Variants in CARHSP1 observed in about 807,000 individuals in gnomAD.
The protein encoded by CARHSP1 is calcium regulated heat stable protein 1, also known as calcium-regulated heat-stable protein 1.
A neutral mutation model predicts 12.5 loss-of-function variants in CARHSP1; 14 were observed. The ratio of observed to expected loss-of-function variants is 1.12; its 90% CI spans 0.74 to 1.75. The LOEUF (loss-of-function observed/expected upper bound fraction) is 1.75, where lower values mean the gene tolerates loss of function less well. Among genes scored for constraint, CARHSP1 ranks in the 40% most tolerant of loss-of-function variants. The pLI, the probability that CARHSP1 is intolerant of heterozygous loss-of-function variation, is 0.00. For missense variants in CARHSP1, 343 were observed against 201.6 expected (o/e 1.70, Z -4.25); for synonymous variants, 161 against 82.0 (o/e 1.96, Z -5.20).
chr16:8,854,859 A>G lies in CARHSP1; in HGVS notation c.*305T>C. ...AGCAGCTGGAGAAATACCACCCTTGATCCACTCCCTGGGATGGGGTTGGAA... is the reference window on the plus strand; with the variant it reads ...AGCAGCTGGAGAAATACCACCCTTGGTCCACTCCCTGGGATGGGGTTGGAA... On this transcript the variant is annotated 3_prime_UTR_variant, in exon 4 of 4. Transcript: ENST00000311052. The G allele has an allele frequency of 4.2e-6, 1 of 239,658 alleles. No individual in the cohort carries two copies. Among genetic ancestry groups the G allele is most frequent in the East Asian group, 7.7e-5 (1 of 13,028 alleles). The allele number at this position is 239,658 out of a possible 1,614,324, so 14.8% of individuals were successfully genotyped here. A position where few individuals can be genotyped will look rare whatever the true frequency, so the allele number is the denominator to read the frequency against.
At position 8,859,301 on chromosome 16, in the gene CARHSP1, G is replaced by A. The variant is rs1445556607; in HGVS notation, c.28C>T (p.Gln10Ter). ...ACTGAAGCTTGATGGGTGGGGGGCT[G>A]TGGTGGTGGGGGAGGCTCAGATGAC... MSSEPPPPP[Q>*]PPTHQASVGL... is the part of the protein sequence containing the mutation. The change falls in exon 2 of 4, where the codon CAG becomes TAG. Residue 10 changes from glutamine to a stop codon, truncating the protein, a stop_gained. Coordinates refer to ENST00000311052, the MANE Select transcript of CARHSP1 (RefSeq NM_014316.4). LOFTEE classifies it high-confidence loss of function. The A allele has an allele frequency of 6.2e-7, 1 of 1,602,474 alleles. No individual in the cohort carries two copies. The highest frequency in any genetic ancestry group is 8.5e-7 in the Non-Finnish European group (1 of 1,178,004).
intron 1 of CARHSP1, among the ~76,000 whole-genome samples, chr16:8,862,942 C>G (rs2061392095): frequency 6.6e-6 from 1 of 152,036 alleles, no homozygotes; most frequent in Non-Finnish European, 1.5e-5. Flanking sequence ...CCCAAGCCCC[C>G]TCAACACCCC....
chr16:8,859,449 C>T (rs2061272404), intron 1 of CARHSP1, 114 bp from the exon 2 acceptor site: 1 of 933,824 alleles, frequency 1.1e-6, no homozygotes, highest in Non-Finnish European at 1.6e-6. Context: ...TCTCGGGCAC[C>T]TCAGCACCAT....
intron 2 of CARHSP1, 147 bp from the exon 3 acceptor site, chr16:8,858,619 C>T (rs2061234312): frequency 1.0e-5 from 10 of 980,650 alleles, no homozygotes; most frequent in Non-Finnish European, 1.5e-5. Context: ...GCACAACCCT[C>T]AACCCTGGGA....
chr16:8,858,789 C>G, intron 2 of CARHSP1: 2 of 434,670 alleles, frequency 4.6e-6, no homozygotes, highest in Non-Finnish European at 8.2e-6. Flanking sequence ...GCATCCTCCA[C>G]TCGCAAGGCC....
At chr16:8,861,049 CAAAA>C (rs543777644) in intron 1 of CARHSP1, among the ~76,000 whole-genome samples, 2 of 75,248 alleles carry the variant, frequency 2.7e-5, no homozygotes, top group East Asian at 1.0e-3. Context: ...GACTCCGTCT[CAAAA>C]AAAAATAAAT....
rs1567181170 is a variant in CARHSP1 at position 8,857,274 on chromosome 16, T to TTG, written c.281+1075_281+1076insCA. Reference sequence around the variant, plus strand: ...TCTTGGGCAGATCTGTTTTTTTTTTTTTTTTTTTTTTTTTTTTTTTTTTTT... The same window carrying TTG: ...TCTTGGGCAGATCTGTTTTTTTTTTTTGTTTTTTTTTTTTTTTTTTTTTTTTT... On this transcript the variant is annotated intron_variant, in intron 3 of 3. Transcript: ENST00000311052. Among the ~76,000 whole-genome samples, 76 of 97,482 alleles carry TTG rather than the reference T, an allele frequency of 7.8e-4. 2 individuals are homozygous for TTG. The highest frequency in any genetic ancestry group is 3.1e-3 in the South Asian group (8 of 2,602). The allele number at this position is 97,482 out of a possible 152,430, so 64.0% of individuals were successfully genotyped here.
At chr16:8,862,824 C>T (rs899897047) in intron 1 of CARHSP1, among the ~76,000 whole-genome samples, 1 of 152,150 alleles carries the variant, frequency 6.6e-6, no homozygotes, top group Non-Finnish European at 1.5e-5. Flanking sequence ...TCATCATCAT[C>T]ACTGTCATTG....
intron 1 of CARHSP1, among the ~76,000 whole-genome samples, chr16:8,864,715 G>T (rs1033025497): frequency 1.3e-5 from 2 of 152,170 alleles, no homozygotes; most frequent in Non-Finnish European, 2.9e-5. Flanking sequence ...GCCCGGCCAA[G>T]GGAGGGAGCC....
At chr16:8,859,402 G>T in intron 1 of CARHSP1, 67 bp from the exon 2 acceptor site, 14 of 1,391,468 alleles carry the variant, frequency 1.0e-5, no homozygotes, top group Non-Finnish European at 1.4e-5. Flanking sequence ...TTACCCCCAT[G>T]TCCACGTCTG....
At chr16:8,860,037 C>G in intron 1 of CARHSP1, 1 of 584,456 alleles carries the variant, frequency 1.7e-6, no homozygotes, top group Non-Finnish European at 2.2e-6. Flanking sequence ...CAAACTCAGC[C>G]ACTCCACGGA....
intron 1 of CARHSP1, among the ~76,000 whole-genome samples, chr16:8,865,591 G>C (rs2061441473): frequency 1.3e-5 from 2 of 152,202 alleles, no homozygotes; most frequent in African/African-American, 4.8e-5. Flanking sequence ...GGCCAGGGTT[G>C]GGCATGGTGT....
At chr16:8,864,263 CTTG>C (rs2061419839) in intron 1 of CARHSP1, among the ~76,000 whole-genome samples, 1 of 152,194 alleles carries the variant, frequency 6.6e-6, no homozygotes, top group African/African-American at 2.4e-5. Flanking sequence ...CATGCGTGAA[CTTG>C]TTGCCGTCTG....
intron 1 of CARHSP1, among the ~76,000 whole-genome samples, chr16:8,863,240 G>C (rs1011614267): frequency 5.5e-5 from 8 of 145,710 alleles, no homozygotes; most frequent in African/African-American, 2.0e-4. Flanking sequence ...GCCCACCCCA[G>C]CCTCCTGGGT....
chr16:8,861,057 A>C (rs988354833), intron 1 of CARHSP1, among the ~76,000 whole-genome samples: 24 of 19,986 alleles, frequency 1.2e-3, no homozygotes, highest in African/African-American at 2.5e-3. Flanking sequence ...CTCAAAAAAA[A>C]ATAAATAACT....
rs2061224991 is a variant in CARHSP1, at chr16:8,858,438, C to T, written c.193G>A (p.Gly65Arg). 3 of 1,613,918 alleles carry T rather than the reference C, an allele frequency of 1.9e-6. No homozygotes were observed. The highest frequency in any genetic ancestry group is 2.7e-5 in the African/African-American group (2 of 74,902). ...GACCGGCAGAAGCATTTGCAGACTC[C>T]TTTGTAGACGGGGCCCTGTGAAGCC... Reference protein sequence around the residue: ...VRASQGPVYKGVCKCFCRSKG... With the variant: ...VRASQGPVYKRVCKCFCRSKG... The change falls in exon 3 of 4, where the codon GGA becomes AGA. Residue 65 changes from glycine to arginine, a missense_variant. By Grantham distance (125) the Gly-to-Arg change is moderately radical. Transcript: ENST00000311052.
chr16:8,855,440 A>C (rs981060049), intron 3 of CARHSP1, 114 bp from the exon 4 acceptor site: 1 of 851,166 alleles, frequency 1.2e-6, no homozygotes, highest in African/African-American at 1.7e-5. Flanking sequence ...CATCTGACCA[A>C]CCACCGGGAA....
In CARHSP1 at chr16:8,859,273, C is replaced by G; in HGVS notation, c.56G>C (p.Gly19Ala). Residue 19 changes from glycine (G) to alanine (A), a missense_variant, in exon 2 of 4, where the codon GGG becomes GCG. Coordinates refer to ENST00000311052, the MANE Select transcript of CARHSP1 (RefSeq NM_014316.4). ...ACGGCTCCGAGGGGTGTCCAGCAGC[C>G]CGACTGAAGCTTGATGGGTGGGGGG... is the stretch of plus-strand genomic sequence containing the variant. ...PQPPTHQASV[G>A]LLDTPRSRER... The G allele has an allele frequency of 6.2e-7, 1 of 1,602,448 alleles. No individual in the cohort carries two copies. The highest frequency in any genetic ancestry group is 8.5e-7 in the Non-Finnish European group (1 of 1,177,222).
Position 8,853,129 on chromosome 16 carries a change from C to G in CARHSP1, c.*2035G>C, listed in dbSNP as rs1257355522. 2.6e-5 allele frequency: 4 copies of G among 152,036 alleles called. No homozygotes were observed. The highest frequency in any genetic ancestry group is 4.8e-5 in the African/African-American group (2 of 41,384). 9.4% of individuals were successfully genotyped at this position (152,036 alleles called of 1,614,324 possible). ...CTTCCAGCTCTGACATCCTGCGGTT[C>G]TAGAATACCCATTGATTGAAAGAGC... On this transcript the variant is annotated 3_prime_UTR_variant, in exon 4 of 4. Coordinates refer to ENST00000311052, the MANE Select transcript of CARHSP1 (RefSeq NM_014316.4).
Sources: allele counts gnomAD v4.1 joint callset (sites outside exome capture counted in the v4.1 genomes callset), GRCh38; gene constraint gnomAD v4.1.1; transcripts MANE v1.5; gene names NCBI Gene and HGNC (gene_info 2026-07-23, HGNC 2026-07-21).